Variants in RNF122 observed in about 807,000 individuals in gnomAD.
RNF122 encodes the protein ring finger protein 122.
RNF122 carries 17 observed loss-of-function variants against 24.2 expected under a neutral mutation model. That is an observed-to-expected ratio of 0.70 (90% CI 0.48 to 1.06). The LOEUF (loss-of-function observed/expected upper bound fraction) is 1.06. RNF122 is among the 50% of genes least tolerant of loss of function. RNF122 has a pLI of 0.00. For missense variants in RNF122, 168 were observed against 198.1 expected (o/e 0.85, Z 0.91); for synonymous variants, 65 against 71.8 (o/e 0.91, Z 0.48).
Position 33,566,971 on chromosome 8 carries a change from C to CG in RNF122, c.-249dup. On this transcript the variant is annotated 5_prime_UTR_variant, in exon 1 of 6. Coordinates refer to ENST00000256257, the MANE Select transcript of RNF122 (RefSeq NM_024787.3). The stretch of plus-strand genomic sequence containing the variant: ...GGAGCACAGCCGCACGGAGCGCACG[C>CG]GCCAAGGGCCCCGGGCTGGGGGAAT... The CG allele has an allele frequency of 1.9e-6, 1 of 521,230 alleles. No homozygotes were observed. The highest frequency in any genetic ancestry group is 3.3e-5 in the Admixed American group (1 of 30,068). The allele number at this position is 521,230 out of a possible 1,614,324, so 32.3% of individuals were successfully genotyped here.
chr8:33,555,345 G>T (rs1810436271), intron 2 of RNF122, among the ~76,000 whole-genome samples: 1 of 151,328 alleles, frequency 6.6e-6, no homozygotes, highest in African/African-American at 2.5e-5. Context: ...TGGGATTACA[G>T]GTGCCTGCCA....
rs1465103584 is a variant in RNF122 at position 33,567,092 on chromosome 8, G to A, written c.-369C>T. ...GCCGGAGGCTCGGATCGGGTTCAGC[G>A]GCGCAGAGGTGAGCTGGCTGGGGTT... On this transcript the variant is annotated 5_prime_UTR_variant, in exon 1 of 6. Coordinates refer to ENST00000256257, the MANE Select transcript of RNF122 (RefSeq NM_024787.3). 1.2e-5 allele frequency: 4 copies of A among 324,580 alleles called. No individual in the cohort carries two copies. Among genetic ancestry groups the A allele is most frequent in the Non-Finnish European group, 2.3e-5 (4 of 170,526 alleles). The allele number at this position is 324,580 out of a possible 1,614,324, so 20.1% of individuals were successfully genotyped here. A position where few individuals can be genotyped will look rare whatever the true frequency, so the allele number is the denominator to read the frequency against.
At position 33,566,953 on chromosome 8, in the gene RNF122, A is replaced by C; in HGVS notation, c.-230T>G. Reference sequence around the variant, plus strand: ...AAACAAACAAAGTCCCGCGGAGCACAGCCGCACGGAGCGCACGCGCCAAGG... The same window carrying C: ...AAACAAACAAAGTCCCGCGGAGCACCGCCGCACGGAGCGCACGCGCCAAGG... On this transcript the variant is annotated 5_prime_UTR_variant, in exon 1 of 6. Transcript: ENST00000256257. 3.6e-6 allele frequency: 2 copies of C among 552,572 alleles called. No individual in the cohort carries two copies. Among genetic ancestry groups the C allele is most frequent in the Non-Finnish European group, 6.5e-6 (2 of 308,778 alleles). The allele number at this position is 552,572 out of a possible 1,614,324, so 34.2% of individuals were successfully genotyped here.
intron 2 of RNF122, among the ~76,000 whole-genome samples, chr8:33,557,395 C>T (rs938969095): frequency 1.3e-5 from 2 of 151,944 alleles, no homozygotes; most frequent in Non-Finnish European, 2.9e-5. Flanking sequence ...TTTGGGAGGC[C>T]GAGGGGGGTG....
chr8:33,551,411 T>A, intron 2 of RNF122, 22 bp from the exon 3 acceptor site: 8 of 1,613,690 alleles, frequency 5.0e-6, no homozygotes, highest in African/African-American at 1.3e-5. Context: ...AGAAAAAAAT[T>A]AGAGAAAGCA....
intron 1 of RNF122, among the ~76,000 whole-genome samples, chr8:33,566,426 C>T (rs1810624511): frequency 6.6e-6 from 1 of 152,232 alleles, no homozygotes; most frequent in African/African-American, 2.4e-5. Flanking sequence ...AAGAGCCGGG[C>T]CGCCACACAA....
At chr8:33,563,031 C>T (rs555778298) in intron 1 of RNF122, among the ~76,000 whole-genome samples, 18 of 150,832 alleles carry the variant, frequency 1.2e-4, no homozygotes, top group Admixed American at 8.6e-4. Context: ...GCAGAGGCTG[C>T]AGTGAGCTGA....
chr8:33,566,846 C>G lies in RNF122; in HGVS notation c.-123G>C. On this transcript the variant is annotated 5_prime_UTR_variant, in exon 1 of 6. Transcript: ENST00000256257. The stretch of plus-strand genomic sequence containing the variant: ...GGTCGGGGCAGCGCGCTGCAGCCGC[C>G]CTGCTGGAGAAGCCGAACTCCCTCC... The G allele has an allele frequency of 8.7e-7, 1 of 1,146,670 alleles. No homozygotes were observed. The highest frequency in any genetic ancestry group is 1.3e-6 in the Non-Finnish European group (1 of 784,810). The allele number at this position is 1,146,670 out of a possible 1,614,324, so 71.0% of individuals were successfully genotyped here.
chr8:33,566,967 C>T lies in RNF122; in HGVS notation c.-244G>A. On this transcript the variant is annotated 5_prime_UTR_variant, in exon 1 of 6. Transcript: ENST00000256257. ...CCGCGGAGCACAGCCGCACGGAGCG[C>T]ACGCGCCAAGGGCCCCGGGCTGGGG... 3.7e-6 allele frequency: 2 copies of T among 533,706 alleles called. No homozygotes were observed. Among genetic ancestry groups the T allele is most frequent in the Non-Finnish European group, 6.7e-6 (2 of 298,034 alleles). 33.1% of individuals were successfully genotyped at this position (533,706 alleles called of 1,614,324 possible). A position where few individuals can be genotyped will look rare whatever the true frequency, so the allele number is the denominator to read the frequency against.
Position 33,551,343 on chromosome 8 carries a change from C to A in RNF122, c.228+1G>T. On this transcript the variant is annotated splice_donor_variant, in intron 3 of 5. Coordinates refer to ENST00000256257, the MANE Select transcript of RNF122 (RefSeq NM_024787.3). LOFTEE classifies it high-confidence loss of function. ...CTTCTGGGAAACACGCAGCACTTTA[C>A]CTCCTTATATCCGTATCGCTCACTC... 6.2e-7 allele frequency: 1 copy of A among 1,614,172 alleles called. No individual in the cohort carries two copies. The highest frequency in any genetic ancestry group is 8.5e-7 in the Non-Finnish European group (1 of 1,180,026).
chr8:33,549,860 CCCAAT>C (rs1332568407), intron 4 of RNF122, among the ~76,000 whole-genome samples: 1 of 151,868 alleles, frequency 6.6e-6, no homozygotes, highest in African/African-American at 2.4e-5. Context: ...TCCTTTCTTG[CCCAAT>C]ACATTTGGTG....
At chr8:33,552,776 G>A (rs1810396091) in intron 2 of RNF122, among the ~76,000 whole-genome samples, 2 of 151,940 alleles carry the variant, frequency 1.3e-5, no homozygotes, top group African/African-American at 4.8e-5. Context: ...TCCTGTATGT[G>A]GGTTGGGTGG....
chr8:33,558,498 G>A (rs1810488966), intron 2 of RNF122, 117 bp downstream of exon 2: 1 of 729,424 alleles, frequency 1.4e-6, no homozygotes, highest in Non-Finnish European at 2.1e-6. Context: ...CCTCAAAGTG[G>A]TGGCTCCAGT....
rs554694013 is a variant in RNF122, at chr8:33,563,772, C to T, written c.25+2927G>A. ...GATGTTACAAGAGGGTCTAACCCCC[C>T]GTTTCCTTAGTTCTTCCAGGCACCT... is the stretch of plus-strand genomic sequence containing the variant. On this transcript the variant is annotated intron_variant, in intron 1 of 5. Coordinates refer to ENST00000256257, the MANE Select transcript of RNF122 (RefSeq NM_024787.3). 6.6e-5 allele frequency among the ~76,000 whole-genome samples: 10 copies of T among 152,256 alleles called. No individual in the cohort carries two copies. The South Asian group carries it at 2.1e-3, about 32-fold the overall frequency.
At chr8:33,552,499 T>A (rs1227158615) in intron 2 of RNF122, among the ~76,000 whole-genome samples, 1 of 152,204 alleles carries the variant, frequency 6.6e-6, no homozygotes, top group Non-Finnish European at 1.5e-5. Context: ...GAGTCTAGAT[T>A]TGAATCAAAG....
At chr8:33,563,748 A>G (rs1354143809) in intron 1 of RNF122, among the ~76,000 whole-genome samples, 1 of 152,066 alleles carries the variant, frequency 6.6e-6, no homozygotes, top group Non-Finnish European at 1.5e-5. Flanking sequence ...GCACTATTTG[A>G]TGTTACAAGA....
chr8:33,556,769 G>A (rs1487427802), intron 2 of RNF122, among the ~76,000 whole-genome samples: 3 of 152,198 alleles, frequency 2.0e-5, no homozygotes, highest in Non-Finnish European at 4.4e-5. Flanking sequence ...AACTGTACAA[G>A]AGGGAAGATA....
rs1253027980 is a variant in RNF122, at chr8:33,547,894, G to C, written c.*859C>G. The C allele has an allele frequency of 7.0e-6, 1 of 142,844 alleles. No individual in the cohort carries two copies. The highest frequency in any genetic ancestry group is 2.6e-5 in the African/African-American group (1 of 38,578). The allele number at this position is 142,844 out of a possible 1,614,324, so 8.8% of individuals were successfully genotyped here. A position where few individuals can be genotyped will look rare whatever the true frequency, so the allele number is the denominator to read the frequency against. On this transcript the variant is annotated 3_prime_UTR_variant, in exon 6 of 6. Transcript: ENST00000256257. ...TCGTATCTAAAGCCTGAGAGGCGAGGATGAAGTATAAAAATACTATTTACA... is the reference window on the plus strand; with the variant it reads ...TCGTATCTAAAGCCTGAGAGGCGAGCATGAAGTATAAAAATACTATTTACA...
At chr8:33,552,919 C>A (rs1021634569) in intron 2 of RNF122, among the ~76,000 whole-genome samples, 1 of 151,698 alleles carries the variant, frequency 6.6e-6, no homozygotes, top group Admixed American at 6.6e-5. Context: ...ATTCACAGGA[C>A]AATTCACACG....
Sources: allele counts gnomAD v4.1 joint callset (sites outside exome capture counted in the v4.1 genomes callset), GRCh38; gene constraint gnomAD v4.1.1; transcripts MANE v1.5; gene names NCBI Gene and HGNC (gene_info 2026-07-23, HGNC 2026-07-21).